Variants in CCDC83 observed in about 807,000 individuals in gnomAD.
CCDC83 encodes coiled-coil domain-containing protein 83.
CCDC83 carries 54 observed loss-of-function variants against 50.1 expected under a neutral mutation model. The observed-to-expected ratio is 1.08, with a 90% confidence interval of 0.87 to 1.35. CCDC83 has a LOEUF of 1.35. Among genes scored for constraint, CCDC83 ranks in the 40% most tolerant of loss-of-function variants. CCDC83 has a pLI of 0.00. For missense variants in CCDC83, 518 were observed against 473.9 expected (o/e 1.09, Z -0.86); for synonymous variants, 161 against 153.3 (o/e 1.05, Z -0.37).
At chr11:85,884,274 A>G (rs891588668) in intron 4 of CCDC83, among the ~76,000 whole-genome samples, 11 of 152,198 alleles carry the variant, frequency 7.2e-5, no homozygotes, top group Non-Finnish European at 1.6e-4. Flanking sequence ...AAGTGTCTGG[A>G]AAACATTTCC....
At chr11:85,907,067 A>G (rs1302957805) in intron 7 of CCDC83, among the ~76,000 whole-genome samples, 1 of 152,188 alleles carries the variant, frequency 6.6e-6, no homozygotes, top group Admixed American at 6.5e-5. Context: ...TTGCCTGGAA[A>G]TAGAACAATA....
chr11:85,919,006 GT>G (rs1481903783), intron 10 of CCDC83, among the ~76,000 whole-genome samples: 1 of 152,182 alleles, frequency 6.6e-6, no homozygotes, highest in Non-Finnish European at 1.5e-5. Flanking sequence ...GGGGTCCCAT[GT>G]TTTTATTTTC....
At chr11:85,880,521 C>T (rs2093294073) in intron 3 of CCDC83, among the ~76,000 whole-genome samples, 1 of 152,042 alleles carries the variant, frequency 6.6e-6, no homozygotes, top group African/African-American at 2.4e-5. Context: ...AGCAATTCAC[C>T]TTCCTTGGCC....
At chr11:85,867,523 GT>G (rs1393860270) in intron 2 of CCDC83, among the ~76,000 whole-genome samples, 1 of 152,104 alleles carries the variant, frequency 6.6e-6, no homozygotes, top group Non-Finnish European at 1.5e-5. Flanking sequence ...GCTTTCACCT[GT>G]TTCCTTTTAT....
intron 10 of CCDC83, chr11:85,917,853 C>G (rs1421449060): frequency 2.6e-5 from 4 of 152,144 alleles, no homozygotes; most frequent in Non-Finnish European, 5.9e-5. Context: ...GGCTAGTGGA[C>G]AGTTGTCTAC....
At chr11:85,897,820 T>C (rs17148576) in intron 6 of CCDC83, among the ~76,000 whole-genome samples, 3,982 of 152,288 alleles carry the variant, frequency 0.026, 172 homozygotes, top group African/African-American at 0.091. Flanking sequence ...GTAATAAGCA[T>C]GACTTACAGA....
chr11:85,883,419 G>A (rs902789166), intron 4 of CCDC83, among the ~76,000 whole-genome samples: 3 of 151,930 alleles, frequency 2.0e-5, no homozygotes, highest in East Asian at 3.9e-4. Flanking sequence ...AGGGAGCCAA[G>A]CACCCCATTA....
chr11:85,876,851 G>A (rs2093272377), intron 3 of CCDC83, among the ~76,000 whole-genome samples: 1 of 152,178 alleles, frequency 6.6e-6, no homozygotes, highest in South Asian at 2.1e-4. Flanking sequence ...GGGTAAGCAT[G>A]ACATGACTTT....
chr11:85,889,807 G>C (rs2093343631), intron 5 of CCDC83, among the ~76,000 whole-genome samples: 1 of 152,180 alleles, frequency 6.6e-6, no homozygotes, highest in South Asian at 2.1e-4. Context: ...ATTGTTGTGG[G>C]CTGGGAGGTT....
At chr11:85,915,996 A>G (rs3213934) in intron 9 of CCDC83, 32 bp from the exon 10 acceptor site, 181,772 of 1,389,834 alleles carry the variant, frequency 0.13, 12,316 homozygotes, top group Admixed American at 0.16. Flanking sequence ...TTCAAAATGT[A>G]TACATAATTA....
intron 1 of CCDC83, among the ~76,000 whole-genome samples, chr11:85,856,265 A>G (rs936492978): frequency 1.3e-5 from 2 of 151,772 alleles, no homozygotes; most frequent in Admixed American, 6.6e-5. Context: ...TTATCAGTCT[A>G]TGTGATAATT....
At chr11:85,892,165 G>A (rs979274912) in intron 5 of CCDC83, among the ~76,000 whole-genome samples, 11 of 152,200 alleles carry the variant, frequency 7.2e-5, no homozygotes, top group Non-Finnish European at 1.6e-4. Context: ...AGGGAAGGTG[G>A]AACAGTGCAA....
chr11:85,862,046 T>C (rs79996152), intron 1 of CCDC83, among the ~76,000 whole-genome samples: 2,242 of 149,860 alleles, frequency 0.015, 97 homozygotes, highest in East Asian at 0.1. Context: ...TTAAGCTTTC[T>C]AGATACTGAG....
chr11:85,897,869 T>TA (rs1424350038), intron 6 of CCDC83, among the ~76,000 whole-genome samples: 4 of 152,106 alleles, frequency 2.6e-5, no homozygotes, highest in Admixed American at 6.6e-5. Flanking sequence ...TTAAAGACTT[T>TA]AATAGGGCTG....
chr11:85,873,157 T>C (rs2093249031), intron 2 of CCDC83, 54 bp from the exon 3 acceptor site: 13 of 925,960 alleles, frequency 1.4e-5, no homozygotes, highest in Non-Finnish European at 2.1e-5. Flanking sequence ...TTAAATTTTT[T>C]CTCATTTCCT....
chr11:85,896,784 C>A (rs913607933), intron 6 of CCDC83, among the ~76,000 whole-genome samples: 5 of 145,086 alleles, frequency 3.4e-5, no homozygotes, highest in African/African-American at 1.3e-4. Flanking sequence ...TTTTAACAAT[C>A]TTGACCTCTC....
At chr11:85,865,370 C>A (rs894302833) in intron 2 of CCDC83, 152 bp downstream of exon 2, 7 of 597,088 alleles carry the variant, frequency 1.2e-5, no homozygotes, top group Non-Finnish European at 1.8e-5. Flanking sequence ...GTGCTATGCA[C>A]ATATTTTTAA....
intron 10 of CCDC83, among the ~76,000 whole-genome samples, chr11:85,917,134 AAGAGAGAGAGAG>A (rs201907138): frequency 4.2e-4 from 33 of 77,974 alleles, no homozygotes; most frequent in Admixed American, 7.4e-4. Flanking sequence ...AAGAAAAAGA[AAGAGAGAGAGAG>A]AGAGAGAGAG....
chr11:85,877,369 G>A (rs1848110653), intron 3 of CCDC83, among the ~76,000 whole-genome samples: 1 of 152,160 alleles, frequency 6.6e-6, no homozygotes, highest in South Asian at 2.1e-4. Context: ...CTACTCAGGG[G>A]GCTGAGGCAG....
Sources: allele counts gnomAD v4.1 joint callset (sites outside exome capture counted in the v4.1 genomes callset), GRCh38; gene constraint gnomAD v4.1.1; transcripts MANE v1.5; gene names NCBI Gene and HGNC (gene_info 2026-07-23, HGNC 2026-07-21).